ICA1L: variants seen among roughly 807,000 people sequenced by gnomAD.
The protein encoded by ICA1L is islet cell autoantigen 1-like protein.
A neutral mutation model predicts 61.3 loss-of-function variants in ICA1L; 50 were observed. The observed-to-expected ratio is 0.82, with a 90% CI of 0.65 to 1.03. The LOEUF (loss-of-function observed/expected upper bound fraction) is 1.03, where lower values mean the gene tolerates loss of function less well. Among genes scored for constraint, ICA1L ranks in the 50% least tolerant of loss-of-function variants. The pLI, the probability that ICA1L is intolerant of heterozygous loss-of-function variation, is 0.00. For missense variants in ICA1L, 508 were observed against 556.7 expected (o/e 0.91, Z 0.88); for synonymous variants, 161 against 191.3 (o/e 0.84, Z 1.31).
intron 1 of ICA1L, chr2:202,870,648 G>A (rs1259026120): frequency 6.6e-6 from 1 of 152,200 alleles, no homozygotes; most frequent in African/African-American, 2.4e-5. Context: ...TCGTCTTACA[G>A]TACGTCGCCT....
At chr2:202,821,738 A>G (rs2105852574) in intron 3 of ICA1L, 1 of 218,278 alleles carries the variant, frequency 4.6e-6, no homozygotes, top group South Asian at 1.3e-4. Context: ...CGCTTTGAGA[A>G]GGACTGATTT....
intron 2 of ICA1L, among the ~76,000 whole-genome samples, chr2:202,827,284 T>C (rs537567019): frequency 1.3e-5 from 2 of 151,972 alleles, no homozygotes; most frequent in African/African-American, 4.8e-5. Flanking sequence ...ATCCCAGCTA[T>C]TCAGAAGCTG....
At chr2:202,822,143 G>A (rs971297203) in intron 3 of ICA1L, among the ~76,000 whole-genome samples, 10 of 152,080 alleles carry the variant, frequency 6.6e-5, no homozygotes, top group South Asian at 6.2e-4. Flanking sequence ...CATTTTTCAC[G>A]TATTTTATTT....
chr2:202,834,193 T>A (rs1262112046), intron 1 of ICA1L, among the ~76,000 whole-genome samples: 1 of 152,202 alleles, frequency 6.6e-6, no homozygotes, highest in East Asian at 1.9e-4. Flanking sequence ...AAGTAAAATT[T>A]TAACAAATTC....
intron 1 of ICA1L, among the ~76,000 whole-genome samples, chr2:202,839,350 T>G (rs1221028865): frequency 2.0e-5 from 3 of 151,872 alleles, no homozygotes; most frequent in Admixed American, 2.0e-4. Flanking sequence ...AATATAAAAA[T>G]TAGCTGAGTG....
intron 1 of ICA1L, among the ~76,000 whole-genome samples, chr2:202,851,377 T>C (rs1320338363): frequency 6.6e-6 from 1 of 152,232 alleles, no homozygotes; most frequent in African/African-American, 2.4e-5. Flanking sequence ...TTCCATGGTG[T>C]ATATGTGCCA....
chr2:202,784,617 TGTCA>T (rs1181669889), intron 12 of ICA1L, among the ~76,000 whole-genome samples: 1 of 152,218 alleles, frequency 6.6e-6, no homozygotes, highest in Admixed American at 6.5e-5. Context: ...GTGTTGTATC[TGTCA>T]AACAGAGTAT....
At chr2:202,790,503 G>A (rs1390520216) in intron 10 of ICA1L, among the ~76,000 whole-genome samples, 1 of 152,264 alleles carries the variant, frequency 6.6e-6, no homozygotes, top group East Asian at 1.9e-4. Context: ...ACTCCAGTCT[G>A]GTGCAGCCAG....
At chr2:202,830,116 AG>A (rs1349533239) in intron 1 of ICA1L, among the ~76,000 whole-genome samples, 6 of 152,248 alleles carry the variant, frequency 3.9e-5, no homozygotes, top group Admixed American at 1.3e-4. Context: ...AACATATGCT[AG>A]GTGCAGTGGC....
At chr2:202,789,441 TAAAAAAGATC>T (rs1295520495) in intron 10 of ICA1L, among the ~76,000 whole-genome samples, 2 of 151,894 alleles carry the variant, frequency 1.3e-5, no homozygotes, top group Non-Finnish European at 2.9e-5. Context: ...GGACAACAGA[TAAAAAAGATC>T]AAAAGAGCAT....
intron 12 of ICA1L, among the ~76,000 whole-genome samples, chr2:202,784,443 C>T (rs1419449959): frequency 6.6e-6 from 1 of 152,088 alleles, no homozygotes; most frequent in Non-Finnish European, 1.5e-5. Flanking sequence ...TCCAAAAAAA[C>T]AACAACAAAA....
At chr2:202,853,989 G>A (rs2105883344) in intron 1 of ICA1L, among the ~76,000 whole-genome samples, 2 of 152,196 alleles carry the variant, frequency 1.3e-5, no homozygotes, top group Middle Eastern at 3.4e-3. Context: ...ATCAACTAAT[G>A]TGCAAAATAC....
intron 11 of ICA1L, among the ~76,000 whole-genome samples, chr2:202,787,381 A>G (rs901256217): frequency 2.6e-5 from 4 of 152,250 alleles, no homozygotes; most frequent in African/African-American, 9.6e-5. Flanking sequence ...AGGAGTTGAT[A>G]GTGGAGAATG....
chr2:202,815,359 C>T (rs1367648555), intron 7 of ICA1L, among the ~76,000 whole-genome samples: 4 of 152,150 alleles, frequency 2.6e-5, no homozygotes, highest in Admixed American at 2.6e-4. Flanking sequence ...GCCAGCAACA[C>T]TTTCAAGCTT....
chr2:202,823,141 T>C (rs1235071807), intron 3 of ICA1L, among the ~76,000 whole-genome samples: 1 of 152,202 alleles, frequency 6.6e-6, no homozygotes, highest in Non-Finnish European at 1.5e-5. Flanking sequence ...ACCTTTATCA[T>C]TGCAGAAAGA....
At chr2:202,848,455 C>T (rs1235466365) in intron 1 of ICA1L, among the ~76,000 whole-genome samples, 1 of 152,170 alleles carries the variant, frequency 6.6e-6, no homozygotes, top group East Asian at 1.9e-4. Flanking sequence ...AAGAACATGT[C>T]CCAGCTCAAT....
chr2:202,803,886 C>T (rs1327680543), intron 9 of ICA1L, among the ~76,000 whole-genome samples: 1 of 152,040 alleles, frequency 6.6e-6, no homozygotes, highest in African/African-American at 2.4e-5. Flanking sequence ...ATTAATTCAC[C>T]AAAAAGATAT....
intron 1 of ICA1L, among the ~76,000 whole-genome samples, chr2:202,830,571 G>A (rs1693990805): frequency 6.6e-6 from 1 of 152,106 alleles, no homozygotes; most frequent in Non-Finnish European, 1.5e-5. Context: ...CCAACAAACT[G>A]TAAGAGTAGG....
intron 1 of ICA1L, among the ~76,000 whole-genome samples, chr2:202,837,445 A>G (rs1418315115): frequency 6.6e-5 from 10 of 151,358 alleles, no homozygotes; most frequent in East Asian, 2.0e-4. Flanking sequence ...CACCACACCC[A>G]GCTAATTTTT....
Sources: gnomAD v4.1 joint callset for allele counts (sites outside exome capture counted in the v4.1 genomes callset) on GRCh38, gnomAD v4.1.1 for gene constraint, MANE v1.5 for transcripts, NCBI Gene and HGNC (gene_info 2026-07-23, HGNC 2026-07-21) for gene names.